Variants in GRID1 observed in about 807,000 individuals in gnomAD.
GRID1 encodes the protein glutamate receptor ionotropic, delta-1.
GRID1 carries 28 observed loss-of-function variants against 98.0 expected under a neutral mutation model. The ratio of observed to expected loss-of-function variants is 0.29; its 90% CI spans 0.21 to 0.39. The LOEUF is 0.39. Among genes scored for constraint, GRID1 ranks in the 10% least tolerant of loss-of-function variants. GRID1 has a pLI of 1.00. For synonymous variants in GRID1, 553 were observed against 538.5 expected, an observed-to-expected ratio of 1.03 and a Z score of -0.37; for missense variants, 1,111 against 1,340.5, an observed-to-expected ratio of 0.83 and a Z score of 2.67.
chr10:85,615,077 T>C (rs1177738684), intron 14 of GRID1, among the ~76,000 whole-genome samples: 4 of 152,336 alleles, frequency 2.6e-5, no homozygotes, highest in Admixed American at 1.3e-4. Context: ...TTGTGTGATC[T>C]CTACCCTGGA....
chr10:85,719,160 G>C (rs945108450), intron 12 of GRID1, among the ~76,000 whole-genome samples: 22 of 152,118 alleles, frequency 1.4e-4, no homozygotes, highest in Non-Finnish European at 7.4e-5. Context: ...CTCCACTTGA[G>C]ACCACCTCAG....
At chr10:85,891,695 C>A (rs1008013109) in intron 5 of GRID1, among the ~76,000 whole-genome samples, 1 of 152,086 alleles carries the variant, frequency 6.6e-6, no homozygotes, top group African/African-American at 2.4e-5. Context: ...TAACAAAGCT[C>A]CAAAGCAAGT....
In GRID1 at chr10:85,870,658, G is replaced by C. The variant is rs866319809; in HGVS notation, c.781-1478C>G. 2.2e-4 allele frequency among the ~76,000 whole-genome samples: 33 copies of C among 152,284 alleles called. 1 individual carries two copies. The South Asian group carries it at 3.3e-3, about 15-fold the overall frequency. On this transcript the variant is annotated intron_variant, in intron 5 of 15. Transcript: ENST00000327946. Reference sequence around the variant, plus strand: ...TGGTGCTGTGGAAGGAAGGTGGAGGGAGCTGCCAATAGCTCCCTGTTCCAG... The same window carrying C: ...TGGTGCTGTGGAAGGAAGGTGGAGGCAGCTGCCAATAGCTCCCTGTTCCAG...
In GRID1 at chr10:86,320,341, G is replaced by A. The variant is rs865828425; in HGVS notation, c.235+43600C>T. Among the ~76,000 whole-genome samples, 7 of 152,338 alleles carry A rather than the reference G, an allele frequency of 4.6e-5. No homozygotes were observed. In the Middle Eastern group the frequency reaches 0.014, roughly 296 times the overall value. On this transcript the variant is annotated intron_variant, in intron 2 of 15. Transcript: ENST00000327946. ...TAGAGGGTGGATCTCAGGGAGGGCAGCCAGGAGGTAGGGGTGACAGAATGG... is the reference window on the plus strand; with the variant it reads ...TAGAGGGTGGATCTCAGGGAGGGCAACCAGGAGGTAGGGGTGACAGAATGG...
chr10:85,721,307 T>A (rs1230491402), intron 12 of GRID1, among the ~76,000 whole-genome samples: 1 of 152,196 alleles, frequency 6.6e-6, no homozygotes, highest in Non-Finnish European at 1.5e-5. Context: ...ATACCCAACA[T>A]GAACTTGCCA....
At chr10:85,691,376 T>C (rs1224984399) in intron 12 of GRID1, among the ~76,000 whole-genome samples, 2 of 152,220 alleles carry the variant, frequency 1.3e-5, no homozygotes, top group Non-Finnish European at 2.9e-5. Context: ...TGAATATCCA[T>C]GTTTTGTTTT....
At chr10:86,131,635 T>G (rs1468041328) in intron 4 of GRID1, among the ~76,000 whole-genome samples, 3 of 152,208 alleles carry the variant, frequency 2.0e-5, no homozygotes. Context: ...GAACTCAAAA[T>G]AGAAACAACA....
At chr10:85,871,368 A>G (rs1029220118) in intron 5 of GRID1, among the ~76,000 whole-genome samples, 1 of 152,198 alleles carries the variant, frequency 6.6e-6, no homozygotes, top group Admixed American at 6.5e-5. Context: ...TTTTCATGCC[A>G]TTGTAAAGTC....
intron 2 of GRID1, among the ~76,000 whole-genome samples, chr10:86,227,886 A>G (rs1846379738): frequency 6.6e-6 from 1 of 152,192 alleles, no homozygotes; most frequent in Non-Finnish European, 1.5e-5. Context: ...TGCCTGACAC[A>G]TGGTAGATAC....
intron 4 of GRID1, among the ~76,000 whole-genome samples, chr10:86,113,692 A>G (rs1038971419): frequency 1.3e-5 from 2 of 152,196 alleles, no homozygotes; most frequent in African/African-American, 4.8e-5. Flanking sequence ...CATCTGACAC[A>G]CAGGAGGTGC....
intron 4 of GRID1, among the ~76,000 whole-genome samples, chr10:85,969,425 C>A (rs1407509412): frequency 6.6e-6 from 1 of 152,068 alleles, no homozygotes; most frequent in Non-Finnish European, 1.5e-5. Context: ...CAGGATAGGA[C>A]AGACTATGTG....
chr10:86,101,155 G>A (rs1844290245), intron 4 of GRID1, among the ~76,000 whole-genome samples: 1 of 152,156 alleles, frequency 6.6e-6, no homozygotes, highest in African/African-American at 2.4e-5. Context: ...GGTAGCCTGG[G>A]TGGCTGGAAT....
intron 8 of GRID1, among the ~76,000 whole-genome samples, chr10:85,846,113 C>G (rs1843002758): frequency 6.6e-6 from 1 of 152,194 alleles, no homozygotes; most frequent in African/African-American, 2.4e-5. Context: ...AAGGGTTACA[C>G]TTCAGTTTAT....
intron 4 of GRID1, among the ~76,000 whole-genome samples, chr10:86,111,743 A>C (rs1844487974): frequency 6.6e-6 from 1 of 152,246 alleles, no homozygotes; most frequent in African/African-American, 2.4e-5. Flanking sequence ...AACAGATATC[A>C]GTGTTTGGCT....
chr10:85,949,449 T>C (rs1389563723), intron 4 of GRID1, among the ~76,000 whole-genome samples: 2 of 152,228 alleles, frequency 1.3e-5, no homozygotes, highest in East Asian at 3.9e-4. Flanking sequence ...TCTCACTCTT[T>C]GTGTATGTAG....
At chr10:85,989,113 G>A (rs1035453023) in intron 4 of GRID1, among the ~76,000 whole-genome samples, 5 of 152,216 alleles carry the variant, frequency 3.3e-5, no homozygotes, top group Admixed American at 3.3e-4. Context: ...ATCGAGAGTT[G>A]CCTGCTACCT....
chr10:85,774,272 A>T (rs893545519), intron 8 of GRID1, among the ~76,000 whole-genome samples: 10 of 152,228 alleles, frequency 6.6e-5, no homozygotes, highest in Non-Finnish European at 1.3e-4. Context: ...GGCTAGCCAT[A>T]TGTAGAAGGC....
intron 2 of GRID1, among the ~76,000 whole-genome samples, chr10:86,349,077 C>T (rs1848428791): frequency 6.6e-6 from 1 of 152,208 alleles, no homozygotes; most frequent in African/African-American, 2.4e-5. Flanking sequence ...CGGAGGGAGG[C>T]ACTGGTGGGA....
chr10:85,864,581 G>A (rs574127832), intron 6 of GRID1, among the ~76,000 whole-genome samples: 2 of 152,300 alleles, frequency 1.3e-5, no homozygotes, highest in East Asian at 1.9e-4. Flanking sequence ...CATTGAAAGT[G>A]ACATGAAATC....
Sources: gnomAD v4.1 joint callset for allele counts (sites outside exome capture counted in the v4.1 genomes callset) on GRCh38, gnomAD v4.1.1 for gene constraint, MANE v1.5 for transcripts, NCBI Gene and HGNC (gene_info 2026-07-23, HGNC 2026-07-21) for gene names.